The following CTNNA2 variants were observed in gnomAD, a reference collection of about 807,000 sequenced individuals.
CTNNA2 encodes catenin alpha-2.
In CTNNA2, 42 loss-of-function variants were observed where a neutral mutation model predicts 101.0. That is an observed-to-expected ratio of 0.42 (90% CI 0.32 to 0.54). The LOEUF is 0.54. CTNNA2 is among the 20% of genes least tolerant of loss of function. The pLI, the probability that CTNNA2 is intolerant of heterozygous loss-of-function variation, is 0.14. For missense variants in CTNNA2, 871 were observed against 1,223.1 expected (o/e 0.71, Z 4.29); for synonymous variants, 450 against 456.4 (o/e 0.99, Z 0.18).
chr2:79,651,616 G>C lies in CTNNA2; in HGVS notation c.60G>C (p.Arg20=). The C allele has an allele frequency of 6.2e-7, 1 of 1,613,816 alleles. No homozygotes were observed. Among genetic ancestry groups the C allele is most frequent in the Non-Finnish European group, 8.5e-7 (1 of 1,179,832 alleles). ...LKWDPKSLEI[R]TLTVERLLEP... ...GGGACCCCAAAAGTTTGGAAATCCGGACGCTAACAGTGGAAAGGCTGTTGG... is the reference window on the plus strand; with the variant it reads ...GGGACCCCAAAAGTTTGGAAATCCGCACGCTAACAGTGGAAAGGCTGTTGG... Residue 20 remains arginine, a synonymous_variant, in exon 2 of 19, where the codon CGG becomes CGC. Coordinates refer to ENST00000402739, the MANE Select transcript of CTNNA2 (RefSeq NM_001282597.3).
intron 7 of CTNNA2, among the ~76,000 whole-genome samples, chr2:80,101,257 CA>C (rs1295062928): frequency 2.0e-5 from 3 of 152,180 alleles, no homozygotes; most frequent in Non-Finnish European, 2.9e-5. Flanking sequence ...AATACATTCA[CA>C]GTGAACATTC....
At chr2:80,526,576 G>A (rs946048869) in intron 9 of CTNNA2, among the ~76,000 whole-genome samples, 3 of 151,988 alleles carry the variant, frequency 2.0e-5, no homozygotes, top group South Asian at 2.1e-4. Flanking sequence ...CAGGTGATCC[G>A]CCCACATCAG....
intron 2 of CTNNA2, among the ~76,000 whole-genome samples, chr2:79,714,059 A>G (rs888904849): frequency 6.6e-6 from 1 of 151,942 alleles, no homozygotes. Context: ...TTGTCCCTCC[A>G]CCTGGTGCCT....
chr2:79,237,581 T>C (rs1440448850), intron 2 of CTNNA2, among the ~76,000 whole-genome samples: 1 of 152,218 alleles, frequency 6.6e-6, no homozygotes, highest in Non-Finnish European at 1.5e-5. Flanking sequence ...CAGCTTCTTC[T>C]AATATAAAAC....
chr2:79,574,853 T>C (rs1373363235), intron 1 of CTNNA2, among the ~76,000 whole-genome samples: 1 of 152,182 alleles, frequency 6.6e-6, no homozygotes, highest in Non-Finnish European at 1.5e-5. Context: ...AAGTGTTCCC[T>C]TTTCTTTCTA....
chr2:80,116,380 A>G (rs2148869840), intron 7 of CTNNA2, among the ~76,000 whole-genome samples: 1 of 151,682 alleles, frequency 6.6e-6, no homozygotes, highest in East Asian at 1.9e-4. Context: ...AAAAGCTAAA[A>G]AAAAAAAAAA....
chr2:80,081,107 A>C (rs926280206), intron 7 of CTNNA2, among the ~76,000 whole-genome samples: 17 of 151,886 alleles, frequency 1.1e-4, no homozygotes, highest in African/African-American at 3.6e-4. Flanking sequence ...GGTTAAAAAA[A>C]AAAAAAGCGT....
intron 7 of CTNNA2, among the ~76,000 whole-genome samples, chr2:80,316,003 G>T (rs1036121404): frequency 1.3e-5 from 2 of 152,082 alleles, no homozygotes; most frequent in Admixed American, 1.3e-4. Flanking sequence ...TGATTCATAA[G>T]CCCGCTAAGG....
intron 7 of CTNNA2, among the ~76,000 whole-genome samples, chr2:80,320,309 C>T (rs1473996602): frequency 3.3e-5 from 5 of 152,178 alleles, no homozygotes. Context: ...TATAGCATTG[C>T]CATTTCTCCT....
intron 4 of CTNNA2, among the ~76,000 whole-genome samples, chr2:79,410,745 A>G (rs927617707): frequency 1.5e-4 from 23 of 149,282 alleles, no homozygotes; most frequent in African/African-American, 5.7e-4. Flanking sequence ...CATCAAGGAT[A>G]TTGGTCTAAA....
intron 9 of CTNNA2, among the ~76,000 whole-genome samples, chr2:80,500,320 A>G (rs1687784857): frequency 6.6e-6 from 1 of 152,196 alleles, no homozygotes; most frequent in Non-Finnish European, 1.5e-5. Flanking sequence ...GCTCCCTGCC[A>G]TGATCCACCA....
rs148619503 is a variant in CTNNA2 at position 80,031,831 on chromosome 2, C to A, written c.1056+122034C>A. On this transcript the variant is annotated intron_variant, in intron 7 of 18. Coordinates refer to ENST00000402739, the MANE Select transcript of CTNNA2 (RefSeq NM_001282597.3). Reference sequence around the variant, plus strand: ...TAATTCTAATTGATTTTGGTTACATCTGTCTACAGATAGTGACTAAGCATT... The same window carrying A: ...TAATTCTAATTGATTTTGGTTACATATGTCTACAGATAGTGACTAAGCATT... Among the ~76,000 whole-genome samples the A allele has an allele frequency of 6.7e-3, 1,015 of 152,318 alleles. 12 individuals are homozygous for A. The highest frequency in any genetic ancestry group is 0.023 in the African/African-American group (955 of 41,564).
chr2:79,647,465 G>T lies in CTNNA2; in HGVS notation c.-5-4087G>T, dbSNP rs1382993165. ...GGAAACTGGGACTCAGAAAGGGCAG[G>T]CAATTGAACAGTATCACAGAGCTAA... On this transcript the variant is annotated intron_variant, in intron 1 of 18. Coordinates refer to ENST00000402739, the MANE Select transcript of CTNNA2 (RefSeq NM_001282597.3). 3.3e-5 allele frequency among the ~76,000 whole-genome samples: 5 copies of T among 152,138 alleles called. No homozygotes were observed. In the South Asian group the frequency reaches 8.3e-4, roughly 25 times the overall value.
intron 7 of CTNNA2, among the ~76,000 whole-genome samples, chr2:80,107,556 C>A (rs1280248029): frequency 2.6e-5 from 4 of 152,226 alleles, no homozygotes; most frequent in East Asian, 1.9e-4. Flanking sequence ...TAATAAAATT[C>A]TCTGCCTCAC....
At chr2:79,927,129 A>T (rs992319076) in intron 7 of CTNNA2, among the ~76,000 whole-genome samples, 4 of 152,156 alleles carry the variant, frequency 2.6e-5, no homozygotes, top group African/African-American at 7.2e-5. Context: ...ATTAAAGGAC[A>T]TCGAATAGAG....
chr2:80,040,814 T>C (rs901208414), intron 7 of CTNNA2, among the ~76,000 whole-genome samples: 3 of 152,178 alleles, frequency 2.0e-5, no homozygotes, highest in African/African-American at 4.8e-5. Flanking sequence ...ACGTGTATAC[T>C]TTTGACCTAA....
chr2:79,348,700 G>A (rs1573106439), intron 3 of CTNNA2, among the ~76,000 whole-genome samples: 1 of 152,138 alleles, frequency 6.6e-6, no homozygotes, highest in East Asian at 1.9e-4. Flanking sequence ...AATCTATTGA[G>A]GTAATCAAGG....
intron 14 of CTNNA2, among the ~76,000 whole-genome samples, chr2:80,582,475 G>C (rs1573356012): frequency 6.6e-6 from 1 of 152,162 alleles, no homozygotes; most frequent in East Asian, 1.9e-4. Context: ...GAGAGTACCA[G>C]CTCTGCCTGA....
intron 7 of CTNNA2, among the ~76,000 whole-genome samples, chr2:79,970,890 T>C (rs1690431026): frequency 6.6e-6 from 1 of 151,960 alleles, no homozygotes; most frequent in Non-Finnish European, 1.5e-5. Flanking sequence ...AGACTTGAGG[T>C]TGGACTGTGA....
Sources: gnomAD v4.1 joint callset for allele counts (sites outside exome capture counted in the v4.1 genomes callset) on GRCh38, gnomAD v4.1.1 for gene constraint, MANE v1.5 for transcripts, NCBI Gene and HGNC (gene_info 2026-07-23, HGNC 2026-07-21) for gene names.